Variants in ADGRL2 observed in about 807,000 individuals in gnomAD.
ADGRL2 encodes the protein calcium-independent alpha-latrotoxin receptor 2.
Under a neutral mutation model 157.4 loss-of-function variants are expected in ADGRL2, and 44 were observed. The ratio of observed to expected loss-of-function variants is 0.28; its 90% CI spans 0.22 to 0.36. ADGRL2 has a LOEUF of 0.36. ADGRL2 is among the 10% of genes least tolerant of loss of function. The pLI is 1.00. For missense variants in ADGRL2, 1,510 were observed against 1,768.9 expected, an observed-to-expected ratio of 0.85 and a Z score of 2.63; for synonymous variants, 585 against 624.7, an observed-to-expected ratio of 0.94 and a Z score of 0.95.
intron 2 of ADGRL2, among the ~76,000 whole-genome samples, chr1:81,452,971 T>C (rs2101749306): frequency 6.6e-6 from 1 of 152,306 alleles, no homozygotes; most frequent in South Asian, 2.1e-4. Flanking sequence ...AGGCAGATAT[T>C]GCCAGCAAGA....
At chr1:81,916,373 A>G (rs2094854664) in intron 3 of ADGRL2, among the ~76,000 whole-genome samples, 1 of 152,200 alleles carries the variant, frequency 6.6e-6, no homozygotes, top group Non-Finnish European at 1.5e-5. Flanking sequence ...TGAACAGATA[A>G]GAATAGATGT....
intron 3 of ADGRL2, among the ~76,000 whole-genome samples, chr1:81,923,732 G>C (rs1054094650): frequency 6.6e-6 from 1 of 152,098 alleles, no homozygotes; most frequent in South Asian, 2.1e-4. Flanking sequence ...TTTAAATTGA[G>C]TACTTCTTGC....
chr1:81,538,775 C>T (rs774031804), intron 2 of ADGRL2, among the ~76,000 whole-genome samples: 38 of 151,982 alleles, frequency 2.5e-4, no homozygotes, highest in Non-Finnish European at 3.5e-4. Context: ...GAGGCCAAGG[C>T]GGGCAGATTG....
At chr1:81,533,689 T>C (rs2079660969) in intron 2 of ADGRL2, among the ~76,000 whole-genome samples, 1 of 152,230 alleles carries the variant, frequency 6.6e-6, no homozygotes, top group South Asian at 2.1e-4. Context: ...GCTACATGCA[T>C]TGAAAGCATA....
intron 2 of ADGRL2, among the ~76,000 whole-genome samples, chr1:81,459,040 G>A (rs546514714): frequency 6.6e-6 from 1 of 152,262 alleles, no homozygotes; most frequent in East Asian, 1.9e-4. Context: ...TGTGTGAGAG[G>A]GGACCCAAAA....
At chr1:81,840,134 G>T (rs2092507980) in intron 2 of ADGRL2, among the ~76,000 whole-genome samples, 1 of 151,776 alleles carries the variant, frequency 6.6e-6, no homozygotes, top group Admixed American at 6.6e-5. Context: ...TTGGTGCCTT[G>T]AGAACATTCG....
intron 1 of ADGRL2, among the ~76,000 whole-genome samples, chr1:81,371,664 A>G (rs1235230372): frequency 1.3e-5 from 2 of 152,132 alleles, no homozygotes; most frequent in Non-Finnish European, 2.9e-5. Flanking sequence ...AATCTCTGTG[A>G]TTGTTTTTAT....
At chr1:81,642,803 T>C (rs1029868995) in intron 3 of ADGRL2, among the ~76,000 whole-genome samples, 1 of 152,130 alleles carries the variant, frequency 6.6e-6, no homozygotes, top group African/African-American at 2.4e-5. Flanking sequence ...AATAATCACA[T>C]GACATGAACG....
intron 1 of ADGRL2, among the ~76,000 whole-genome samples, chr1:81,419,936 A>C (rs2077096357): frequency 6.6e-6 from 1 of 152,202 alleles, no homozygotes; most frequent in Non-Finnish European, 1.5e-5. Context: ...GGCCTACTGT[A>C]ATTAGTCAAA....
chr1:81,599,655 A>G (rs1326125643), intron 3 of ADGRL2, among the ~76,000 whole-genome samples: 2 of 152,184 alleles, frequency 1.3e-5, no homozygotes, highest in African/African-American at 4.8e-5. Flanking sequence ...ATCTTTCCAT[A>G]CAGTTTAATT....
chr1:81,387,064 G>T (rs917438710), intron 1 of ADGRL2, among the ~76,000 whole-genome samples: 58 of 152,088 alleles, frequency 3.8e-4, no homozygotes, highest in African/African-American at 1.3e-3. Flanking sequence ...TATGAGAGTT[G>T]GTCCTCATTT....
chr1:81,612,912 C>T (rs2081572053), intron 3 of ADGRL2, among the ~76,000 whole-genome samples: 1 of 152,068 alleles, frequency 6.6e-6, no homozygotes, highest in African/African-American at 2.4e-5. Context: ...ACATAATTAG[C>T]ACTCATTAAA....
In ADGRL2 at chr1:81,993,069, A is replaced by G; in HGVS notation, c.*1924A>G. Among the ~76,000 whole-genome samples the G allele has an allele frequency of 3.7e-5, 1 of 26,890 alleles. No individual in the cohort carries two copies. Among genetic ancestry groups the G allele is most frequent in the South Asian group, 1.6e-3 (1 of 610 alleles). 17.6% of individuals were successfully genotyped at this position (26,890 alleles called of 152,430 possible). ...ATATATATAATATACATATATATAT[A>G]TATATATATATATATATATTTTTTT... On this transcript the variant is annotated 3_prime_UTR_variant, in exon 24 of 24. Transcript: ENST00000686636.
intron 2 of ADGRL2, among the ~76,000 whole-genome samples, chr1:81,838,285 A>G (rs2092386265): frequency 1.3e-5 from 2 of 152,192 alleles, no homozygotes; most frequent in South Asian, 4.1e-4. Context: ...TATAATTTAA[A>G]TAAATAACAA....
chr1:81,960,000 A>G (rs921347889), intron 11 of ADGRL2, among the ~76,000 whole-genome samples: 9 of 151,956 alleles, frequency 5.9e-5, no homozygotes, highest in Non-Finnish European at 1.2e-4. Flanking sequence ...GGATTTCACC[A>G]TGTTGGTCAG....
At chr1:81,806,544 T>A (rs769501168) in intron 1 of ADGRL2, among the ~76,000 whole-genome samples, 5 of 152,006 alleles carry the variant, frequency 3.3e-5, no homozygotes, top group Non-Finnish European at 5.9e-5. Flanking sequence ...TGAATTGAGA[T>A]TGAGATGTCA....
At chr1:81,782,894 A>G (rs1439369485) in intron 2 of ADGRL2, among the ~76,000 whole-genome samples, 1 of 152,082 alleles carries the variant, frequency 6.6e-6, no homozygotes, top group African/African-American at 2.4e-5. Flanking sequence ...CAAAGAAGAC[A>G]GGGCACAGGG....
chr1:81,631,005 C>T (rs1433403182), intron 3 of ADGRL2, among the ~76,000 whole-genome samples: 1 of 151,936 alleles, frequency 6.6e-6, no homozygotes, highest in African/African-American at 2.4e-5. Flanking sequence ...TGTGGAAATA[C>T]ATTAATACTA....
intron 4 of ADGRL2, 132 bp downstream of exon 4, chr1:81,936,969 G>C (rs529929094): frequency 3.5e-6 from 2 of 563,676 alleles, no homozygotes; most frequent in South Asian, 5.0e-5. Flanking sequence ...TAACAGACTT[G>C]GGCCTCCAAT....
Sources: allele counts gnomAD v4.1 joint callset (sites outside exome capture counted in the v4.1 genomes callset), GRCh38; gene constraint gnomAD v4.1.1; transcripts MANE v1.5; gene names NCBI Gene and HGNC (gene_info 2026-07-23, HGNC 2026-07-21).